NFKB1: variants seen among roughly 807,000 people sequenced by gnomAD.
The protein encoded by NFKB1 is nuclear factor kappa B subunit 1, also known as nuclear factor NF-kappa-B p105 subunit.
NFKB1 carries 9 observed loss-of-function variants against 105.1 expected under a neutral mutation model. That is an observed-to-expected ratio of 0.09 (90% CI 0.05 to 0.15). The LOEUF is 0.15. Among genes scored for constraint, NFKB1 ranks in the 10% least tolerant of loss-of-function variants. The probability of loss-of-function intolerance (pLI) is 1.00; values close to 1 mark genes in which losing one functional copy is unlikely to be tolerated. For missense variants in NFKB1, 830 were observed against 1,203.7 expected (o/e 0.69, Z 4.59); for synonymous variants, 440 against 442.2 (o/e 1.00, Z 0.06).
intron 1 of NFKB1, among the ~76,000 whole-genome samples, chr4:102,506,779 C>T (rs924385622): frequency 2.6e-5 from 4 of 152,068 alleles, no homozygotes; most frequent in Non-Finnish European, 5.9e-5. Flanking sequence ...GTTCATTCTG[C>T]TTTGCTGCCA....
chr4:102,515,878 T>A (rs769456953), intron 1 of NFKB1, among the ~76,000 whole-genome samples: 1 of 152,228 alleles, frequency 6.6e-6, no homozygotes, highest in Admixed American at 6.5e-5. Flanking sequence ...CAAGTGTCTA[T>A]CATTTCCCTT....
At chr4:102,551,071 C>T (rs766038924) in intron 5 of NFKB1, among the ~76,000 whole-genome samples, 2 of 152,094 alleles carry the variant, frequency 1.3e-5, no homozygotes, top group African/African-American at 2.4e-5. Context: ...TTCAGACACC[C>T]GAATCCATCT....
At chr4:102,557,968 C>G (rs1460628385) in intron 5 of NFKB1, among the ~76,000 whole-genome samples, 1 of 151,534 alleles carries the variant, frequency 6.6e-6, no homozygotes, top group Admixed American at 6.6e-5. Context: ...GTGTTCTGCT[C>G]TGGTGTGTAA....
intron 5 of NFKB1, among the ~76,000 whole-genome samples, chr4:102,547,506 A>C (rs371958785): frequency 2.0e-5 from 3 of 152,158 alleles, no homozygotes; most frequent in Non-Finnish European, 4.4e-5. Flanking sequence ...GTTGGTTCCT[A>C]GTTTTGCGAC....
intron 5 of NFKB1, among the ~76,000 whole-genome samples, chr4:102,555,058 G>T (rs1223942637): frequency 1.3e-5 from 2 of 152,120 alleles, no homozygotes; most frequent in Non-Finnish European, 2.9e-5. Flanking sequence ...TTCCTAACTG[G>T]TTTCAAGCAG....
chr4:102,578,748 C>G, intron 7 of NFKB1, 133 bp from the exon 8 acceptor site: 1 of 831,280 alleles, frequency 1.2e-6, no homozygotes. Flanking sequence ...ACTTTATTAG[C>G]AATATGAAGA....
At chr4:102,573,400 A>G (rs540698126) in intron 6 of NFKB1, among the ~76,000 whole-genome samples, 5 of 152,306 alleles carry the variant, frequency 3.3e-5, no homozygotes, top group African/African-American at 1.2e-4. Context: ...GTTTCCAAGA[A>G]GTCACCTGTC....
chr4:102,607,396 A>G lies in NFKB1; in HGVS notation c.2124+77A>G. ...GGAAATCTTTTCAAAGAAGGAAGTC[A>G]GTAGCTGCTGTTCTCCCTTACAATC... On this transcript the variant is annotated intron_variant, in intron 18 of 23. Transcript: ENST00000226574. The G allele has an allele frequency of 2.0e-6, 3 of 1,480,126 alleles. No individual in the cohort carries two copies. In the African/African-American group the frequency reaches 4.2e-5, roughly 21 times the overall value. The allele number at this position is 1,480,126 out of a possible 1,614,324, so 91.7% of individuals were successfully genotyped here.
At chr4:102,565,178 T>G (rs1723756378) in intron 5 of NFKB1, among the ~76,000 whole-genome samples, 1 of 152,186 alleles carries the variant, frequency 6.6e-6, no homozygotes, top group Non-Finnish European at 1.5e-5. Flanking sequence ...TTTAAGAAAT[T>G]TTTTGTGCTT....
rs553164621 is a variant in NFKB1 at position 102,509,986 on chromosome 4, A to G, written c.-8+8198A>G. Among the ~76,000 whole-genome samples the G allele has an allele frequency of 3.9e-5, 6 of 152,214 alleles. No individual in the cohort carries two copies. In the South Asian group the frequency reaches 8.3e-4, roughly 21 times the overall value. The stretch of plus-strand genomic sequence containing the variant: ...CCCTTACTCCCTCCGGTGTTCCCCA[A>G]CCATCCCCTAATCTCAAATCCTCCA... On this transcript the variant is annotated intron_variant, in intron 1 of 23. Transcript: ENST00000226574.
At position 102,596,299 on chromosome 4, in the gene NFKB1, A is replaced by G. The variant is rs761427508; in HGVS notation, c.1462A>G (p.Thr488Ala). 22 of 1,611,624 alleles carry G rather than the reference A, an allele frequency of 1.4e-5. No individual in the cohort carries two copies. The highest frequency in any genetic ancestry group is 1.9e-5 in the Non-Finnish European group (22 of 1,178,490). ...GNGEVTLTYA[T>A]GTKEESAGVQ... ...TGGTGAGGTCACTCTAACGTATGCA[A>G]CAGGAACAAAAGAAGAGAGTGCTGG... The change falls in exon 14 of 24, where the codon ACA becomes GCA. Residue 488 changes from threonine (T) to alanine (A), a missense_variant. Physicochemically the swap from Thr to Ala is moderately conservative, Grantham distance 58 (BLOSUM62 0). Coordinates refer to ENST00000226574, the MANE Select transcript of NFKB1 (RefSeq NM_003998.4).
chr4:102,565,195 G>T (rs1304582629), intron 5 of NFKB1, among the ~76,000 whole-genome samples: 1 of 152,002 alleles, frequency 6.6e-6, no homozygotes, highest in East Asian at 1.9e-4. Flanking sequence ...GCTTTGAGGT[G>T]GTCAAGATCA....
At position 102,532,180 on chromosome 4, in the gene NFKB1, C is replaced by G. The variant is rs187232912; in HGVS notation, c.119-1665C>G. Reference sequence around the variant, plus strand: ...ATTTAATACATTGACCAGTGACTCCCCCTTTTTTTTCTTGTGTATGCTTCA... The same window carrying G: ...ATTTAATACATTGACCAGTGACTCCGCCTTTTTTTTCTTGTGTATGCTTCA... On this transcript the variant is annotated intron_variant, in intron 3 of 23. Transcript: ENST00000226574. 2.9e-3 allele frequency among the ~76,000 whole-genome samples: 444 copies of G among 152,040 alleles called. 1 individual carries two copies. Among genetic ancestry groups the G allele is most frequent in the Non-Finnish European group, 4.5e-3 (307 of 67,992 alleles).
At chr4:102,608,696 A>T (rs1373973884) in intron 19 of NFKB1, among the ~76,000 whole-genome samples, 2 of 152,092 alleles carry the variant, frequency 1.3e-5, no homozygotes, top group Non-Finnish European at 2.9e-5. Flanking sequence ...ATGCTTCATA[A>T]ATTCAAGAAA....
chr4:102,587,029 T>C (rs543171315), intron 11 of NFKB1, among the ~76,000 whole-genome samples: 1 of 152,356 alleles, frequency 6.6e-6, no homozygotes, highest in South Asian at 2.1e-4. Context: ...TATATCCTGG[T>C]GGTTTGAAAA....
intron 20 of NFKB1, among the ~76,000 whole-genome samples, chr4:102,611,292 C>T (rs1235939852): frequency 6.6e-6 from 1 of 152,080 alleles, no homozygotes; most frequent in Non-Finnish European, 1.5e-5. Flanking sequence ...GAGAGCTGCT[C>T]CACTTCTAAA....
Position 102,607,331 on chromosome 4 carries a change from A to C in NFKB1, c.2124+12A>C. On this transcript the variant is annotated intron_variant, in intron 18 of 23. Transcript: ENST00000226574. ...GCCTGCTCCTGGAGGTGAAGGGCACACTTATTTGCTTTTGCATTAAATTTC... is the reference window on the plus strand; with the variant it reads ...GCCTGCTCCTGGAGGTGAAGGGCACCCTTATTTGCTTTTGCATTAAATTTC... The C allele has an allele frequency of 6.2e-7, 1 of 1,600,732 alleles. No homozygotes were observed. The highest frequency in any genetic ancestry group is 2.2e-5 in the East Asian group (1 of 44,648).
In NFKB1 at chr4:102,578,939, C is replaced by T; in HGVS notation, c.630C>T (p.Leu210=). The part of the protein sequence containing the change: ...AALQQTKEMD[L]SVVRLMFTAF... ...TGCAGCAGACCAAGGAGATGGACCT[C>T]AGCGTGGTGCGGCTCATGTTTACAG... is the stretch of plus-strand genomic sequence containing the variant. Residue 210 remains leucine (L), a synonymous_variant, in exon 8 of 24, where the codon CTC becomes CTT. Transcript: ENST00000226574. 1 of 1,614,138 alleles carries T rather than the reference C, an allele frequency of 6.2e-7. No individual in the cohort carries two copies. The highest frequency in any genetic ancestry group is 8.5e-7 in the Non-Finnish European group (1 of 1,180,014).
chr4:102,580,696 T>A, intron 9 of NFKB1, 57 bp downstream of exon 9: 2 of 1,313,742 alleles, frequency 1.5e-6, no homozygotes, highest in Non-Finnish European at 2.2e-6. Context: ...ACACTACAGT[T>A]CTGAGTGTGT....
Sources: allele counts gnomAD v4.1 joint callset (sites outside exome capture counted in the v4.1 genomes callset), GRCh38; gene constraint gnomAD v4.1.1; transcripts MANE v1.5; gene names NCBI Gene and HGNC (gene_info 2026-07-23, HGNC 2026-07-21).